TTLL7: variants seen among roughly 807,000 people sequenced by gnomAD.
The protein encoded by TTLL7 is tubulin polyglutamylase TTLL7.
TTLL7 carries 53 observed loss-of-function variants against 120.2 expected under a neutral mutation model. The ratio of observed to expected loss-of-function variants is 0.44; its 90% CI spans 0.35 to 0.55. TTLL7 has a LOEUF of 0.55. Among genes scored for constraint, TTLL7 ranks in the 20% least tolerant of loss-of-function variants. The pLI is 0.00. For synonymous variants in TTLL7, 353 were observed against 351.7 expected (o/e 1.00, Z -0.04); for missense variants, 803 against 1,054.7 (o/e 0.76, Z 3.31).
intron 1 of TTLL7, among the ~76,000 whole-genome samples, chr1:83,986,098 G>A (rs1211204747): frequency 6.6e-6 from 1 of 152,094 alleles, no homozygotes; most frequent in Admixed American, 6.5e-5. Flanking sequence ...AACCAAAGAA[G>A]CACCAGAAAA....
intron 1 of TTLL7, among the ~76,000 whole-genome samples, chr1:83,981,951 C>T (rs6687372): frequency 0.43 from 64,804 of 151,822 alleles, 15,405 homozygotes; most frequent in Non-Finnish European, 0.54. Context: ...TACCATCAAC[C>T]AGTAGGCTAT....
intron 1 of TTLL7, among the ~76,000 whole-genome samples, chr1:83,995,509 C>T (rs553509371): frequency 6.6e-6 from 1 of 152,034 alleles, no homozygotes; most frequent in Non-Finnish European, 1.5e-5. Context: ...CTCCCCCTTC[C>T]CCTTCAACAT....
chr1:83,893,282 A>C (rs1019964078), intron 18 of TTLL7, among the ~76,000 whole-genome samples: 13 of 152,076 alleles, frequency 8.5e-5, no homozygotes, highest in Non-Finnish European at 1.5e-4. Context: ...TAGAGGTCCT[A>C]AAAAATTTGT....
At chr1:83,907,257 C>A (rs1657268299) in intron 16 of TTLL7, among the ~76,000 whole-genome samples, 199 bp downstream of exon 16, 1 of 152,038 alleles carries the variant, frequency 6.6e-6, no homozygotes, top group Admixed American at 6.6e-5. Flanking sequence ...TCTTTGAGTT[C>A]TGTGATAGAG....
chr1:83,885,971 T>C (rs1023559341), intron 19 of TTLL7, among the ~76,000 whole-genome samples: 1 of 152,030 alleles, frequency 6.6e-6, no homozygotes, highest in Admixed American at 6.6e-5. Context: ...AAGGAAAAAT[T>C]AAATGATTAA....
intron 1 of TTLL7, among the ~76,000 whole-genome samples, chr1:83,982,114 T>C (rs568530235): frequency 6.6e-6 from 1 of 152,254 alleles, no homozygotes; most frequent in East Asian, 1.9e-4. Context: ...TGAATTAAAC[T>C]AGAAACCAAT....
At chr1:83,965,454 C>T (rs150945840) in intron 1 of TTLL7, among the ~76,000 whole-genome samples, 3 of 152,146 alleles carry the variant, frequency 2.0e-5, no homozygotes, top group African/African-American at 7.2e-5. Context: ...CCGAGGCCTC[C>T]CAAGCCATGC....
At chr1:83,974,244 A>T (rs764883540) in intron 1 of TTLL7, among the ~76,000 whole-genome samples, 4 of 152,044 alleles carry the variant, frequency 2.6e-5, no homozygotes, top group Admixed American at 6.6e-5. Flanking sequence ...ACGAACACAT[A>T]TATCTATGAA....
At chr1:83,884,218 G>A (rs1478463259) in intron 19 of TTLL7, among the ~76,000 whole-genome samples, 1 of 151,674 alleles carries the variant, frequency 6.6e-6, no homozygotes, top group Non-Finnish European at 1.5e-5. Context: ...AGCCTCCAGG[G>A]GAAATTTTGG....
In TTLL7 at chr1:83,967,988, G is replaced by A. The variant is rs189296165; in HGVS notation, c.-176-15601C>T. 4.6e-4 allele frequency among the ~76,000 whole-genome samples: 70 copies of A among 151,980 alleles called. 2 individuals carry two copies. The South Asian group carries it at 0.014, about 29-fold the overall frequency. On this transcript the variant is annotated intron_variant, in intron 1 of 20. Coordinates refer to ENST00000260505, the MANE Select transcript of TTLL7 (RefSeq NM_024686.6). ...TATTGAACCTGGGGTAAGAACAGTC[G>A]GGATGGCATTTTAACCTGCAGCCGT...
At chr1:83,981,914 C>A (rs897074817) in intron 1 of TTLL7, among the ~76,000 whole-genome samples, 34 of 151,594 alleles carry the variant, frequency 2.2e-4, no homozygotes, top group African/African-American at 7.8e-4. Flanking sequence ...AATTAAAAAT[C>A]AGCAAGGATA....
intron 18 of TTLL7, among the ~76,000 whole-genome samples, chr1:83,892,950 G>GAAAGAAAGAAAGAA (rs1557570975): frequency 2.0e-4 from 18 of 89,210 alleles, no homozygotes; most frequent in African/African-American, 1.1e-3. Flanking sequence ...AAGAAAGAAA[G>GAAAGAAAGAAAGAA]AAAAGAATAA....
chr1:83,968,230 G>C (rs1359300467), intron 1 of TTLL7, among the ~76,000 whole-genome samples: 1 of 151,800 alleles, frequency 6.6e-6, no homozygotes, highest in African/African-American at 2.4e-5. Flanking sequence ...TGTGATACTG[G>C]GCCATAATAT....
intron 6 of TTLL7, among the ~76,000 whole-genome samples, chr1:83,943,557 T>C (rs1339425674): frequency 6.6e-6 from 1 of 152,184 alleles, no homozygotes; most frequent in Non-Finnish European, 1.5e-5. Context: ...GAAATCTCTG[T>C]CCAATTATTA....
chr1:83,947,107 A>G lies in TTLL7; in HGVS notation c.506+17T>C. On this transcript the variant is annotated intron_variant, in intron 6 of 20. Coordinates refer to ENST00000260505, the MANE Select transcript of TTLL7 (RefSeq NM_024686.6). Reference sequence around the variant, plus strand: ...TTTTTTTTTATTTTTATATATTCCAAATAAAAGCAAACCTACCCATGACCC... The same window carrying G: ...TTTTTTTTTATTTTTATATATTCCAGATAAAAGCAAACCTACCCATGACCC... The G allele has an allele frequency of 6.4e-7, 1 of 1,556,284 alleles. No individual in the cohort carries two copies. The highest frequency in any genetic ancestry group is 8.6e-7 in the Non-Finnish European group (1 of 1,159,948).
At chr1:83,975,175 A>C (rs1010597079) in intron 1 of TTLL7, among the ~76,000 whole-genome samples, 6 of 152,100 alleles carry the variant, frequency 3.9e-5, no homozygotes, top group Admixed American at 3.9e-4. Context: ...CATACATTGC[A>C]CTATAGGCTT....
intron 14 of TTLL7, among the ~76,000 whole-genome samples, chr1:83,913,716 T>C (rs1206575236): frequency 1.3e-5 from 2 of 152,224 alleles, no homozygotes; most frequent in Non-Finnish European, 2.9e-5. Context: ...ATCTAGTTCA[T>C]TTCAACAAAT....
rs573269846 is a variant in TTLL7, at chr1:83,916,408, G to A, written c.1587+1196C>T. Among the ~76,000 whole-genome samples, 43 of 149,648 alleles carry A rather than the reference G, an allele frequency of 2.9e-4. 2 individuals carry two copies. In the East Asian group the frequency reaches 7.7e-3, roughly 27 times the overall value. Reference sequence around the variant, plus strand: ...TTGCAAGGACAAAAAACCAAACACCGCATGTTCTCACTCATAGGTGGGAAT... The same window carrying A: ...TTGCAAGGACAAAAAACCAAACACCACATGTTCTCACTCATAGGTGGGAAT... On this transcript the variant is annotated intron_variant, in intron 14 of 20. Coordinates refer to ENST00000260505, the MANE Select transcript of TTLL7 (RefSeq NM_024686.6).
intron 8 of TTLL7, among the ~76,000 whole-genome samples, chr1:83,935,990 GCATTCTAACTAACATAGCCAAGA>G (rs1304433027): frequency 6.6e-6 from 1 of 152,118 alleles, no homozygotes; most frequent in Non-Finnish European, 1.5e-5. Context: ...TGATTAATAT[GCATTCTAACTAACATAGCCAAGA>G]ATGATGCAAA....
Sources: allele counts gnomAD v4.1 joint callset (sites outside exome capture counted in the v4.1 genomes callset), GRCh38; gene constraint gnomAD v4.1.1; transcripts MANE v1.5; gene names NCBI Gene and HGNC (gene_info 2026-07-23, HGNC 2026-07-21).